EFCAB5: variants seen among roughly 807,000 people sequenced by gnomAD.
EFCAB5 encodes EF-hand calcium binding domain 5.
Under a neutral mutation model 167.9 loss-of-function variants are expected in EFCAB5, and 131 were observed. The observed-to-expected ratio is 0.78, with a 90% CI of 0.68 to 0.90. EFCAB5 has a LOEUF of 0.90. EFCAB5 is among the 40% of genes least tolerant of loss of function. The pLI is 0.00. For synonymous variants in EFCAB5, 574 were observed against 602.8 expected (o/e 0.95, Z 0.70); for missense variants, 1,663 against 1,745.2 (o/e 0.95, Z 0.84).
chr17:30,059,311 G>C (rs1020680602), intron 13 of EFCAB5: 5 of 330,400 alleles, frequency 1.5e-5, no homozygotes, highest in Non-Finnish European at 2.7e-5. Context: ...TGTTGCTCAG[G>C]CTGGTCTCCA....
At chr17:30,076,525 C>T (rs2070871654) in intron 14 of EFCAB5, among the ~76,000 whole-genome samples, 1 of 152,234 alleles carries the variant, frequency 6.6e-6, no homozygotes, top group African/African-American at 2.4e-5. Context: ...GAGAAACTCA[C>T]ACATGATGTG....
intron 14 of EFCAB5, 130 bp from the exon 15 acceptor site, chr17:30,078,085 T>G: frequency 1.1e-6 from 1 of 918,132 alleles, no homozygotes. Context: ...CAGAGATGCC[T>G]TTGGTATACT....
chr17:29,939,791 G>C (rs2067274622), upstream of EFCAB5, among the ~76,000 whole-genome samples: 1 of 152,206 alleles, frequency 6.6e-6, no homozygotes, highest in Admixed American at 6.5e-5. Flanking sequence ...TTTGGCTTAA[G>C]GGAATGTTGT....
intron 3 of EFCAB5, among the ~76,000 whole-genome samples, chr17:29,967,633 C>T (rs2067858262): frequency 1.3e-5 from 2 of 152,090 alleles, no homozygotes; most frequent in African/African-American, 2.4e-5. Context: ...CCTGAAGGCC[C>T]CCTTCATGAT....
intron 8 of EFCAB5, among the ~76,000 whole-genome samples, chr17:30,042,701 C>T (rs1471970095): frequency 1.3e-5 from 2 of 152,150 alleles, no homozygotes; most frequent in Non-Finnish European, 2.9e-5. Context: ...CTAATAAATT[C>T]TACCGAACAT....
Position 29,954,759 on chromosome 17 carries a change from G to A in EFCAB5, c.190+11110G>A, listed in dbSNP as rs528382685. On this transcript the variant is annotated intron_variant, in intron 3 of 22. Transcript: ENST00000394835. ...GATAGATTCACCGACAGCTTGCATC[G>A]TGCACCTGGAAAAGCCAGAGACGTT... is the stretch of plus-strand genomic sequence containing the variant. Among the ~76,000 whole-genome samples the A allele has an allele frequency of 6.6e-5, 10 of 152,246 alleles. No homozygotes were observed. In the East Asian group the frequency reaches 1.5e-3, roughly 24 times the overall value.
intron 1 of EFCAB5, among the ~76,000 whole-genome samples, chr17:29,930,707 C>A (rs1338092829): frequency 1.3e-5 from 2 of 152,268 alleles, no homozygotes; most frequent in African/African-American, 2.4e-5. Flanking sequence ...ACTTTTCCCC[C>A]CCTTCCGTCT....
intron 7 of EFCAB5, among the ~76,000 whole-genome samples, chr17:30,015,592 A>G (rs1261687757): frequency 6.6e-6 from 1 of 152,208 alleles, no homozygotes; most frequent in Non-Finnish European, 1.5e-5. Context: ...CAAGGGTTGC[A>G]ATTGTTTCAC....
At chr17:30,054,251 A>G (rs1236123910) in intron 10 of EFCAB5, 103 bp downstream of exon 10, 4 of 1,396,462 alleles carry the variant, frequency 2.9e-6, no homozygotes, top group Non-Finnish European at 3.8e-6. Context: ...TTTTTCTGGC[A>G]TATCAGATCA....
At chr17:30,012,167 C>T (rs996928052) in intron 7 of EFCAB5, among the ~76,000 whole-genome samples, 2 of 152,056 alleles carry the variant, frequency 1.3e-5, no homozygotes, top group African/African-American at 4.8e-5. Context: ...CTAGCAGTAG[C>T]GTAAGTGTCA....
intron 15 of EFCAB5, among the ~76,000 whole-genome samples, chr17:30,079,734 C>G (rs1329107988): frequency 3.9e-5 from 6 of 152,140 alleles, no homozygotes; most frequent in Non-Finnish European, 7.4e-5. Context: ...TCAACACTTT[C>G]AATAGAAACA....
In EFCAB5 at chr17:30,092,895, A is replaced by T. The variant is rs763457606; in HGVS notation, c.4280A>T (p.His1427Leu). The change falls in exon 22 of 23, where the codon CAT becomes CTT. Residue 1427 changes from histidine to leucine, a missense_variant. By Grantham distance (99) the His-to-Leu change is moderately conservative (BLOSUM62 -3). Transcript: ENST00000394835. ...TGTGCCTTTGATCCAACTGCCAAGCATGTGGAAGTTAATGTACAGCTTATT... is the reference window on the plus strand; with the variant it reads ...TGTGCCTTTGATCCAACTGCCAAGCTTGTGGAAGTTAATGTACAGCTTATT... Reference protein sequence around the residue: ...NICAFDPTAKHVEVNVQLIDE... With the variant: ...NICAFDPTAKLVEVNVQLIDE... 2 of 1,612,212 alleles carry T rather than the reference A, an allele frequency of 1.2e-6. No individual in the cohort carries two copies. Among genetic ancestry groups the T allele is most frequent in the Non-Finnish European group, 1.7e-6 (2 of 1,179,222 alleles).
Position 29,968,823 on chromosome 17 carries a change from C to T in EFCAB5, c.223C>T (p.Pro75Ser), listed in dbSNP as rs755168517. 1 of 1,509,080 alleles carries T rather than the reference C, an allele frequency of 6.6e-7. No homozygotes were observed. The highest frequency in any genetic ancestry group is 8.9e-7 in the Non-Finnish European group (1 of 1,129,102). The allele number at this position is 1,509,080 out of a possible 1,614,324, so 93.5% of individuals were successfully genotyped here. A position where few individuals can be genotyped will look rare whatever the true frequency, so the allele number is the denominator to read the frequency against. The change falls in exon 4 of 23, where the codon CCT (proline) becomes TCT (serine). Residue 75 changes from proline (P) to serine (S), a missense_variant. Coordinates refer to ENST00000394835, the MANE Select transcript of EFCAB5 (RefSeq NM_198529.4). ...LNLEGQRKISPGSIKDSKTEA... is the reference protein window; with the variant it reads ...LNLEGQRKISSGSIKDSKTEA... ...CCTGGAGGGGCAGCGAAAAATTTCACCTGGTTCAATAAAGGACTCTAAAAC... is the reference window on the plus strand; with the variant it reads ...CCTGGAGGGGCAGCGAAAAATTTCATCTGGTTCAATAAAGGACTCTAAAAC...
In EFCAB5 at chr17:29,969,316, A is replaced by T. The variant is rs2067901670; in HGVS notation, c.716A>T (p.Lys239Ile). The T allele has an allele frequency of 1.2e-6, 2 of 1,610,624 alleles. No homozygotes were observed. The highest frequency in any genetic ancestry group is 2.2e-5 in the South Asian group (2 of 90,442). Residue 239 changes from lysine (K) to isoleucine (I), a missense_variant, in exon 4 of 23, where the codon AAA (lysine) becomes ATA (isoleucine). Physicochemically the swap from Lys to Ile is moderately radical, Grantham distance 102. Coordinates refer to ENST00000394835, the MANE Select transcript of EFCAB5 (RefSeq NM_198529.4). ...PGMSGYQRLM[K>I]EVTEDLKIYV... ...ATGTCTGGTTACCAGAGGTTGATGA[A>T]AGAAGTCACAGAAGACCTGAAGATA...
At chr17:30,064,553 G>C (rs892045243) in intron 14 of EFCAB5, among the ~76,000 whole-genome samples, 1 of 152,096 alleles carries the variant, frequency 6.6e-6, no homozygotes, top group Non-Finnish European at 1.5e-5. Context: ...TTTGTATTAT[G>C]GGACTTCCAG....
chr17:30,034,353 G>A lies in EFCAB5; in HGVS notation c.1168G>A (p.Ala390Thr), dbSNP rs562073846. 2.4e-5 allele frequency: 38 copies of A among 1,609,012 alleles called. No homozygotes were observed. The Admixed American group carries it at 2.4e-4, about 10-fold the overall frequency. The change falls in exon 8 of 23, where the codon GCT becomes ACT. Residue 390 changes from alanine to threonine, a missense_variant. By Grantham distance (58) the Ala-to-Thr change is moderately conservative. Coordinates refer to ENST00000394835, the MANE Select transcript of EFCAB5 (RefSeq NM_198529.4). ...AGCTGACATGCGGAGGCAGATGTTC[G>A]CTGAACTCTTCCTACATTGTGACCA... ...IKADMRRQMFAELFLHCDHGK... is the reference protein window; with the variant it reads ...IKADMRRQMFTELFLHCDHGK...
intron 3 of EFCAB5, among the ~76,000 whole-genome samples, chr17:29,958,427 C>T (rs2067659710): frequency 6.6e-6 from 1 of 152,142 alleles, no homozygotes; most frequent in Admixed American, 6.5e-5. Flanking sequence ...ACTGAGGGAA[C>T]ATCATACATT....
intron 14 of EFCAB5, 37 bp downstream of exon 14, chr17:30,059,738 A>G: frequency 6.5e-7 from 1 of 1,528,378 alleles, no homozygotes; most frequent in East Asian, 2.3e-5. Context: ...AACTGTGGTA[A>G]TTAACTTGGC....
At chr17:30,011,739 G>A (rs554565882) in intron 7 of EFCAB5, among the ~76,000 whole-genome samples, 74 of 152,018 alleles carry the variant, frequency 4.9e-4, no homozygotes, top group Admixed American at 1.6e-3. Flanking sequence ...ATATACAATC[G>A]TGTCATCTGC....
Sources: gnomAD v4.1 joint callset for allele counts (sites outside exome capture counted in the v4.1 genomes callset) on GRCh38, gnomAD v4.1.1 for gene constraint, MANE v1.5 for transcripts, NCBI Gene and HGNC (gene_info 2026-07-23, HGNC 2026-07-21) for gene names.